Variants in NR3C2 observed in about 807,000 individuals in gnomAD.
NR3C2 encodes the protein mineralocorticoid receptor.
In NR3C2, 15 loss-of-function variants were observed where a neutral mutation model predicts 86.4. That is an observed-to-expected ratio of 0.17 (90% CI 0.12 to 0.27). The LOEUF is 0.27. Among genes scored for constraint, NR3C2 ranks in the 10% least tolerant of loss-of-function variants. The pLI is 1.00. For missense variants in NR3C2, 960 were observed against 1,195.6 expected (o/e 0.80, Z 2.91); for synonymous variants, 458 against 450.5 (o/e 1.02, Z -0.21).
intron 2 of NR3C2, among the ~76,000 whole-genome samples, chr4:148,287,752 T>C (rs1299985264): frequency 6.6e-6 from 1 of 152,160 alleles, no homozygotes. Flanking sequence ...ATTTTTTATA[T>C]ATAGTAACTC....
intron 2 of NR3C2, among the ~76,000 whole-genome samples, chr4:148,430,797 C>T (rs1459430379): frequency 2.0e-5 from 3 of 151,872 alleles, no homozygotes; most frequent in East Asian, 1.9e-4. Flanking sequence ...ACAAACTCCC[C>T]GAATTCTGAT....
At chr4:148,098,119 C>T (rs370070434) in intron 8 of NR3C2, among the ~76,000 whole-genome samples, 5 of 152,278 alleles carry the variant, frequency 3.3e-5, no homozygotes, top group African/African-American at 1.2e-4. Context: ...TCTGATTAAA[C>T]CTCTCTGCTG....
At position 148,335,136 on chromosome 4, in the gene NR3C2, T is replaced by A. The variant is rs1217314463; in HGVS notation, c.1758-75019A>T. On this transcript the variant is annotated intron_variant, in intron 2 of 8. Coordinates refer to ENST00000358102, the MANE Select transcript of NR3C2 (RefSeq NM_000901.5). ...ACATTTGATATATTAGGTGTTAGGA[T>A]TTCAATCTATGAATTGGGGCAGGAG... Among the ~76,000 whole-genome samples the A allele has an allele frequency of 1.3e-5, 2 of 152,196 alleles. 1 individual carries two copies. The highest frequency in any genetic ancestry group is 3.9e-4 in the East Asian group (2 of 5,194).
intron 2 of NR3C2, among the ~76,000 whole-genome samples, chr4:148,414,146 A>T (rs1748879357): frequency 6.6e-6 from 1 of 152,208 alleles, no homozygotes; most frequent in Non-Finnish European, 1.5e-5. Flanking sequence ...TCACACATAA[A>T]GCTCAAAAAT....
chr4:148,155,944 C>A (rs1253041218), intron 4 of NR3C2, among the ~76,000 whole-genome samples: 1 of 152,140 alleles, frequency 6.6e-6, no homozygotes, highest in East Asian at 1.9e-4. Context: ...ACAGAGCCCT[C>A]AGAAATAACG....
chr4:148,094,744 C>CAAAAAAAA (rs58228508), intron 8 of NR3C2, among the ~76,000 whole-genome samples: 1 of 144,806 alleles, frequency 6.9e-6, no homozygotes, highest in Non-Finnish European at 1.5e-5. Flanking sequence ...AACAAAAAAA[C>CAAAAAAAA]AAAAAAAAAA....
At chr4:148,408,227 T>C (rs1257642536) in intron 2 of NR3C2, among the ~76,000 whole-genome samples, 1 of 152,150 alleles carries the variant, frequency 6.6e-6, no homozygotes, top group Non-Finnish European at 1.5e-5. Context: ...GAAAGGGGTG[T>C]TACATGTCAC....
chr4:148,338,099 T>C (rs1744582409), intron 2 of NR3C2, among the ~76,000 whole-genome samples: 1 of 152,306 alleles, frequency 6.6e-6, no homozygotes, highest in East Asian at 1.9e-4. Flanking sequence ...GTACAGGTCA[T>C]AGAGAGTTAG....
chr4:148,090,358 G>A (rs1049615638), intron 8 of NR3C2, among the ~76,000 whole-genome samples: 1 of 152,210 alleles, frequency 6.6e-6, no homozygotes, highest in Non-Finnish European at 1.5e-5. Flanking sequence ...ACCAGCAAGT[G>A]CAGGGTTACC....
At chr4:148,285,736 A>C (rs76457549) in intron 2 of NR3C2, among the ~76,000 whole-genome samples, 3 of 151,952 alleles carry the variant, frequency 2.0e-5, no homozygotes, top group African/African-American at 7.2e-5. Context: ...AACAAAAAAA[A>C]CTTCCTCCAT....
At chr4:148,126,688 CATT>C (rs1352863202) in intron 6 of NR3C2, among the ~76,000 whole-genome samples, 1 of 152,170 alleles carries the variant, frequency 6.6e-6, no homozygotes, top group East Asian at 1.9e-4. Context: ...CTAAAGAAAG[CATT>C]TTTTTTGCCA....
rs5528 is a variant in NR3C2 at position 148,435,172 on chromosome 4, G to A, written c.1689C>T (p.His563=). The A allele has an allele frequency of 8.2e-3, 13,218 of 1,614,078 alleles. 64 individuals carry two copies. The highest frequency in any genetic ancestry group is 9.9e-3 in the Non-Finnish European group (11,660 of 1,179,962). ...CACTTCTTCTAGACGACAGGTCGCC[G>A]TGTGATTTCCATGACTCCACTAAAG... The part of the protein sequence containing the change: ...VNTLVESWKS[H]GDLSSRRSDG... Residue 563 remains histidine (H), a synonymous_variant, in exon 2 of 9, where the codon CAC becomes CAT. Coordinates refer to ENST00000358102, the MANE Select transcript of NR3C2 (RefSeq NM_000901.5).
At chr4:148,149,684 T>C (rs1734019936) in intron 6 of NR3C2, among the ~76,000 whole-genome samples, 1 of 152,110 alleles carries the variant, frequency 6.6e-6, no homozygotes, top group South Asian at 2.1e-4. Context: ...CCATAATATA[T>C]AAAGAACTCC....
chr4:148,233,047 T>C (rs1738546323), intron 3 of NR3C2, among the ~76,000 whole-genome samples: 1 of 152,202 alleles, frequency 6.6e-6, no homozygotes, highest in Non-Finnish European at 1.5e-5. Flanking sequence ...TAAAACTTTC[T>C]CCATATCAGC....
At chr4:148,315,927 T>C (rs1246154156) in intron 2 of NR3C2, among the ~76,000 whole-genome samples, 1 of 152,202 alleles carries the variant, frequency 6.6e-6, no homozygotes, top group Non-Finnish European at 1.5e-5. Context: ...AAAATCTTTC[T>C]TACAATCTCC....
chr4:148,260,480 T>C (rs914426663), intron 2 of NR3C2, among the ~76,000 whole-genome samples: 1 of 152,218 alleles, frequency 6.6e-6, no homozygotes, highest in Non-Finnish European at 1.5e-5. Flanking sequence ...TGCTGTCCTT[T>C]TATTTTTGCA....
chr4:148,236,282 G>T (rs908994301), intron 3 of NR3C2, among the ~76,000 whole-genome samples: 1 of 152,174 alleles, frequency 6.6e-6, no homozygotes, highest in African/African-American at 2.4e-5. Flanking sequence ...ATGGCTTCTG[G>T]TATGTTTCTA....
chr4:148,260,006 G>C lies in NR3C2; in HGVS notation c.1869C>G (p.Cys623Trp). The C allele has an allele frequency of 6.2e-7, 1 of 1,614,110 alleles. No homozygotes were observed. The highest frequency in any genetic ancestry group is 8.5e-7 in the Non-Finnish European group (1 of 1,180,002). ...CHYGVVTCGSCKVFFKRAVEG... is the reference protein window; with the variant it reads ...CHYGVVTCGSWKVFFKRAVEG... ...CCACTGCTCTTTTGAAGAAAACTTT[G>C]CAGCTGCCACAGGTGACTACCCCAT... The change falls in exon 3 of 9, where the codon TGC (cysteine) becomes TGG (tryptophan). Residue 623 changes from cysteine to tryptophan, a missense_variant. Coordinates refer to ENST00000358102, the MANE Select transcript of NR3C2 (RefSeq NM_000901.5).
chr4:148,181,084 CCT>C (rs1480127870), intron 4 of NR3C2, among the ~76,000 whole-genome samples: 3 of 152,138 alleles, frequency 2.0e-5, no homozygotes, highest in African/African-American at 7.2e-5. Flanking sequence ...TTTACAGGAT[CCT>C]GCTAAACTCA....
Sources: gnomAD v4.1 joint callset for allele counts (sites outside exome capture counted in the v4.1 genomes callset) on GRCh38, gnomAD v4.1.1 for gene constraint, MANE v1.5 for transcripts, NCBI Gene and HGNC (gene_info 2026-07-23, HGNC 2026-07-21) for gene names.